The following TBX21 variants were observed in gnomAD, a reference collection of about 807,000 sequenced individuals.
TBX21 encodes T-box transcription factor 21, also known as T-box transcription factor TBX21.
TBX21 carries 11 observed loss-of-function variants against 52.2 expected under a neutral mutation model. The ratio of observed to expected loss-of-function variants is 0.21; its 90% CI spans 0.13 to 0.35. The LOEUF (loss-of-function observed/expected upper bound fraction) is 0.35, where lower values mean the gene tolerates loss of function less well. TBX21 is among the 10% of genes least tolerant of loss of function. The pLI is 1.00. For synonymous variants in TBX21, 300 were observed against 316.1 expected (o/e 0.95, Z 0.54); for missense variants, 625 against 755.1 (o/e 0.83, Z 2.02).
chr17:47,733,474 G>A lies in TBX21; in HGVS notation c.20G>A (p.Gly7Asp). The stretch of plus-strand genomic sequence containing the variant: ...CCCCGGATGGGCATCGTGGAGCCGG[G>A]TTGCGGAGACATGCTGACGGGCACC... MGIVEP[G>D]CGDMLTGTEP... The change falls in exon 1 of 6, where the codon GGT becomes GAT. Residue 7 changes from glycine to aspartate, a missense_variant. Gly to Asp is a moderately conservative substitution (Grantham distance 94, BLOSUM62 -1). Coordinates refer to ENST00000177694, the MANE Select transcript of TBX21 (RefSeq NM_013351.2). This position sits in a 1 kb window ranked among gnomAD's most constrained non-coding sequence, Gnocchi z 6.6. The A allele has an allele frequency of 6.7e-7, 1 of 1,491,494 alleles. No individual in the cohort carries two copies. 92.4% of individuals were successfully genotyped at this position (1,491,494 alleles called of 1,614,324 possible).
intron 3 of TBX21, 124 bp downstream of exon 3, chr17:47,743,316 A>T: frequency 1.5e-6 from 2 of 1,368,144 alleles, no homozygotes; most frequent in Non-Finnish European, 2.0e-6. Context: ...ACAGGAAGGA[A>T]GGTTCGTTTT....
At chr17:47,736,085 C>T (rs1309678743) in intron 1 of TBX21, among the ~76,000 whole-genome samples, 1 of 152,226 alleles carries the variant, frequency 6.6e-6, no homozygotes, top group Non-Finnish European at 1.5e-5. Flanking sequence ...GTATCACCAT[C>T]TCTACTCCCA....
Position 47,742,630 on chromosome 17 carries a change from C to A in TBX21, c.512C>A (p.Ser171Ter). 6.2e-7 allele frequency: 1 copy of A among 1,604,476 alleles called. No homozygotes were observed. The highest frequency in any genetic ancestry group is 1.1e-5 in the South Asian group (1 of 88,920). ...KQGRRMFPFL[S>*]FTVAGLEPTS... ...TCCAGGCGGATGTTCCCATTCCTGT[C>A]ATTTACTGTGGCCGGGCTGGAGCCC... Residue 171 changes from serine to a stop codon, truncating the protein, a stop_gained, in exon 2 of 6, where the codon TCA becomes TAA. Transcript: ENST00000177694. LOFTEE classifies it high-confidence loss of function. This position sits in a 1 kb window ranked among gnomAD's most constrained non-coding sequence, Gnocchi z 4.4.
intron 1 of TBX21, among the ~76,000 whole-genome samples, chr17:47,739,754 T>A: frequency 1.4e-5 from 2 of 139,374 alleles, no homozygotes; most frequent in East Asian, 2.0e-4. Flanking sequence ...AGAGCGAGAC[T>A]CCGTCTCAAA....
rs1350990094 is a variant in TBX21 at position 47,742,844 on chromosome 17, C to T, written c.646+80C>T. ...TGGTGGGCCCACCAAGCCCCTACCCCTAATTCCTAGACCTTTAACCCCCTC... is the reference window on the plus strand; with the variant it reads ...TGGTGGGCCCACCAAGCCCCTACCCTTAATTCCTAGACCTTTAACCCCCTC... On this transcript the variant is annotated intron_variant, in intron 2 of 5. Coordinates refer to ENST00000177694, the MANE Select transcript of TBX21 (RefSeq NM_013351.2). The surrounding 1 kb of genome is among the most constrained non-coding windows in gnomAD (Gnocchi z 4.4). 1.3e-6 allele frequency: 2 copies of T among 1,490,950 alleles called. No homozygotes were observed. Among genetic ancestry groups the T allele is most frequent in the Admixed American group, 2.2e-5 (1 of 44,476 alleles). The allele number at this position is 1,490,950 out of a possible 1,614,324, so 92.4% of individuals were successfully genotyped here. A position where few individuals can be genotyped will look rare whatever the true frequency, so the allele number is the denominator to read the frequency against.
Position 47,733,460 on chromosome 17 carries a change from C to A in TBX21, c.6C>A (p.Gly2=). ...AAGGTGCCAGCCCGCCCCGGATGGG[C>A]ATCGTGGAGCCGGGTTGCGGAGACA... is the stretch of plus-strand genomic sequence containing the variant. The part of the protein sequence containing the change: M[G]IVEPGCGDML... The change falls in exon 1 of 6, where the codon GGC becomes GGA. Residue 2 remains glycine (G), a synonymous_variant. Coordinates refer to ENST00000177694, the MANE Select transcript of TBX21 (RefSeq NM_013351.2). This position sits in a 1 kb window ranked among gnomAD's most constrained non-coding sequence, Gnocchi z 6.6. 1 of 1,487,164 alleles carries A rather than the reference C, an allele frequency of 6.7e-7. No individual in the cohort carries two copies. Among genetic ancestry groups the A allele is most frequent in the Admixed American group, 2.3e-5 (1 of 43,146 alleles). 92.1% of individuals were successfully genotyped at this position (1,487,164 alleles called of 1,614,324 possible). A position where few individuals can be genotyped will look rare whatever the true frequency, so the allele number is the denominator to read the frequency against.
intron 1 of TBX21, among the ~76,000 whole-genome samples, chr17:47,734,611 ATGTGTGTGTGGGTGTGTGTG>A (rs2032186959): frequency 1.7e-5 from 1 of 60,090 alleles, no homozygotes; most frequent in African/African-American, 6.7e-5. Context: ...GTGTGTGTGT[ATGTGTGTGTGGGTGTGTGTG>A]TATGGGGGCT....
intron 1 of TBX21, among the ~76,000 whole-genome samples, chr17:47,734,634 T>TGTGTG (rs2032188033): frequency 1.5e-5 from 2 of 135,738 alleles, no homozygotes; most frequent in East Asian, 2.1e-4. Context: ...TGTGTGTGTA[T>TGTGTG]GGGGGCTAGT....
At chr17:47,741,440 C>T (rs898461759) in intron 1 of TBX21, among the ~76,000 whole-genome samples, 2 of 151,958 alleles carry the variant, frequency 1.3e-5, no homozygotes, top group African/African-American at 4.8e-5. Flanking sequence ...ACAGCGGAAT[C>T]ATACAGCATC....
chr17:47,743,253 C>T, intron 3 of TBX21, 61 bp downstream of exon 3: 1 of 1,595,080 alleles, frequency 6.3e-7, no homozygotes, highest in Admixed American at 1.7e-5. Flanking sequence ...CTGAGACCTC[C>T]AAGGCCACAA....
rs947846651 is a variant in TBX21, at chr17:47,733,309, C to T, written c.-146C>T. ...GCCGGACGAGGGCGTAGAAGCCAGG[C>T]GTCAGAGCCCGGGCTCCGGTGGGGT... is the stretch of plus-strand genomic sequence containing the variant. On this transcript the variant is annotated 5_prime_UTR_variant, in exon 1 of 6. Coordinates refer to ENST00000177694, the MANE Select transcript of TBX21 (RefSeq NM_013351.2). This position sits in a 1 kb window ranked among gnomAD's most constrained non-coding sequence, Gnocchi z 6.6. 8.8e-7 allele frequency: 1 copy of T among 1,133,616 alleles called. No homozygotes were observed. Among genetic ancestry groups the T allele is most frequent in the Non-Finnish European group, 1.2e-6 (1 of 865,234 alleles). The allele number at this position is 1,133,616 out of a possible 1,614,324, so 70.2% of individuals were successfully genotyped here. A position where few individuals can be genotyped will look rare whatever the true frequency, so the allele number is the denominator to read the frequency against.
intron 1 of TBX21, among the ~76,000 whole-genome samples, chr17:47,734,600 T>TGG (rs2032185200): frequency 9.2e-5 from 12 of 130,946 alleles, no homozygotes; most frequent in Admixed American, 9.0e-4. Context: ...TGTGTGTGTG[T>TGG]GTGTGTGTGT....
chr17:47,742,384 C>T lies in TBX21; in HGVS notation c.492-226C>T, dbSNP rs1455210387. On this transcript the variant is annotated intron_variant, in intron 1 of 5. Coordinates refer to ENST00000177694, the MANE Select transcript of TBX21 (RefSeq NM_013351.2). The surrounding 1 kb of genome is among the most constrained non-coding windows in gnomAD (Gnocchi z 4.4). ...GGCATGAGCCACTGTGCCGGGCCTA[C>T]TTTGACTGTTAATATGTCTTGAATT... Among the ~76,000 whole-genome samples, 1 of 152,124 alleles carries T rather than the reference C, an allele frequency of 6.6e-6. No individual in the cohort carries two copies. The highest frequency in any genetic ancestry group is 1.5e-5 in the Non-Finnish European group (1 of 68,004).
In TBX21 at chr17:47,733,986, G is replaced by C. The variant is rs2032173690; in HGVS notation, c.491+41G>C. ...CGGCCCTTGGGGCCTCTGTGCCCGC[G>C]CCGGAACAAGAACGTCTCGTCTGTT... On this transcript the variant is annotated intron_variant, in intron 1 of 5. Transcript: ENST00000177694. The surrounding 1 kb of genome is among the most constrained non-coding windows in gnomAD (Gnocchi z 6.6). The C allele has an allele frequency of 3.1e-6, 5 of 1,611,446 alleles. No homozygotes were observed. The East Asian group carries it at 1.1e-4, about 36-fold the overall frequency.
intron 4 of TBX21, 36 bp from the exon 5 acceptor site, chr17:47,744,446 T>C: frequency 6.2e-7 from 1 of 1,614,086 alleles, no homozygotes; most frequent in Non-Finnish European, 8.5e-7. Context: ...AGCCCCAGAC[T>C]CAGGACTCAG....
intron 3 of TBX21, 50 bp from the exon 4 acceptor site, chr17:47,744,145 C>T (rs759858286): frequency 2.5e-6 from 4 of 1,592,264 alleles, no homozygotes; most frequent in East Asian, 4.5e-5. Flanking sequence ...GTGATGGGAT[C>T]CTCGAAATCC....
chr17:47,737,269 A>G (rs2032217495), intron 1 of TBX21, among the ~76,000 whole-genome samples: 1 of 152,070 alleles, frequency 6.6e-6, no homozygotes, highest in Non-Finnish European at 1.5e-5. Flanking sequence ...GATGGTAGAC[A>G]TTCTCAGTAG....
At chr17:47,740,040 A>C (rs937154764) in intron 1 of TBX21, among the ~76,000 whole-genome samples, 2 of 152,100 alleles carry the variant, frequency 1.3e-5, no homozygotes, top group African/African-American at 4.8e-5. Context: ...CAGTTTCTTC[A>C]AATATAAAAT....
intron 1 of TBX21, 76 bp downstream of exon 1, chr17:47,734,021 C>G (rs1164166522): frequency 3.1e-6 from 5 of 1,602,788 alleles, no homozygotes; most frequent in Non-Finnish European, 3.4e-6. Flanking sequence ...TTTTCTGGCT[C>G]GACAATGCTT....
Sources: allele counts gnomAD v4.1 joint callset (sites outside exome capture counted in the v4.1 genomes callset), GRCh38; gene constraint gnomAD v4.1.1; non-coding constraint Gnocchi (gnomAD v3.1); transcripts MANE v1.5; gene names NCBI Gene and HGNC (gene_info 2026-07-23, HGNC 2026-07-21).